EHMT1: variants seen among roughly 807,000 people sequenced by gnomAD.
EHMT1 encodes euchromatic histone lysine methyltransferase 1.
In EHMT1, 15 loss-of-function variants were observed where a neutral mutation model predicts 147.2. That is an observed-to-expected ratio of 0.10 (90% CI 0.07 to 0.16). The LOEUF (loss-of-function observed/expected upper bound fraction) is 0.16, where lower values mean the gene tolerates loss of function less well. Among genes scored for constraint, EHMT1 ranks in the 10% least tolerant of loss-of-function variants. EHMT1 has a pLI of 1.00. For synonymous variants in EHMT1, 795 were observed against 709.6 expected (o/e 1.12, Z -1.91); for missense variants, 1,587 against 1,772.4 (o/e 0.90, Z 1.88).
intron 1 of EHMT1, among the ~76,000 whole-genome samples, chr9:137,679,729 TA>T (rs1941757903): frequency 6.6e-6 from 1 of 152,240 alleles, no homozygotes; most frequent in African/African-American, 2.4e-5. Flanking sequence ...ATACATTGGA[TA>T]TTTTTTTCTG....
chr9:137,774,666 C>T (rs112946577), intron 10 of EHMT1, among the ~76,000 whole-genome samples: 2 of 141,024 alleles, frequency 1.4e-5, no homozygotes, highest in African/African-American at 2.8e-5. Context: ...GATGTGGTCG[C>T]GCCTGGCCCC....
At chr9:137,677,950 T>TC (rs1941538317) in intron 1 of EHMT1, among the ~76,000 whole-genome samples, 1 of 149,800 alleles carries the variant, frequency 6.7e-6, no homozygotes, top group Non-Finnish European at 1.5e-5. Flanking sequence ...GCGCCTGTAG[T>TC]CCCAGCTACT....
chr9:137,671,715 A>T (rs1940677395), intron 1 of EHMT1, among the ~76,000 whole-genome samples: 2 of 151,818 alleles, frequency 1.3e-5, no homozygotes, highest in South Asian at 4.2e-4. Flanking sequence ...TTTTGTAGAG[A>T]TGGGGTTTTG....
intron 1 of EHMT1, among the ~76,000 whole-genome samples, chr9:137,666,834 C>T (rs1189283382): frequency 2.0e-5 from 3 of 152,278 alleles, no homozygotes; most frequent in South Asian, 2.1e-4. Flanking sequence ...GAAAATAAGA[C>T]GTTGCTCAAG....
At chr9:137,737,822 A>C (rs9410130) in intron 4 of EHMT1, among the ~76,000 whole-genome samples, 21,038 of 152,122 alleles carry the variant, frequency 0.14, 3,387 homozygotes, top group African/African-American at 0.39. Context: ...TGCAAATCCT[A>C]TGTCTGATGA....
At chr9:137,768,760 C>T (rs1311865607) in intron 10 of EHMT1, among the ~76,000 whole-genome samples, 17 of 151,180 alleles carry the variant, frequency 1.1e-4, no homozygotes, top group African/African-American at 2.7e-4. Context: ...CGTTTTTAGC[C>T]GGGATGGTCT....
intron 18 of EHMT1, chr9:137,803,489 A>G (rs572165910): frequency 1.1e-3 from 211 of 187,210 alleles, no homozygotes; most frequent in African/African-American, 4.8e-3. Flanking sequence ...TTAAGCCGAG[A>G]TCCCCATTTT....
In EHMT1 at chr9:137,762,656, T is replaced by C. The variant is rs199636157; in HGVS notation, c.1502-19T>C. ...GAGGTCAGGATTGCATGAGCTGACA[T>C]GTGTCTGTGTGACGTTAGGGTTGGC... On this transcript the variant is annotated intron_variant, in intron 9 of 26. Coordinates refer to ENST00000460843, the MANE Select transcript of EHMT1 (RefSeq NM_024757.5). 2.5e-6 allele frequency: 4 copies of C among 1,614,170 alleles called. No homozygotes were observed. The highest frequency in any genetic ancestry group is 3.4e-6 in the Non-Finnish European group (4 of 1,180,020).
intron 2 of EHMT1, chr9:137,715,694 T>A (rs1443023905): frequency 4.8e-5 from 47 of 985,308 alleles, no homozygotes; most frequent in Non-Finnish European, 5.5e-5. Context: ...TGGATATGAT[T>A]TCCTGGGGTT....
intron 18 of EHMT1, among the ~76,000 whole-genome samples, chr9:137,808,229 G>A (rs1954114415): frequency 1.3e-5 from 2 of 151,318 alleles, no homozygotes; most frequent in Non-Finnish European, 2.9e-5. Context: ...GTGTCCTGCC[G>A]GATGACCCAC....
chr9:137,744,403 T>C (rs1397339829), intron 6 of EHMT1, among the ~76,000 whole-genome samples: 4 of 152,050 alleles, frequency 2.6e-5, no homozygotes, highest in African/African-American at 9.7e-5. Flanking sequence ...CTCACTGCAC[T>C]CAACCTCCTG....
intron 1 of EHMT1, among the ~76,000 whole-genome samples, chr9:137,686,400 T>C (rs989139181): frequency 6.6e-6 from 1 of 152,186 alleles, no homozygotes; most frequent in African/African-American, 2.4e-5. Context: ...TTAATTTTTT[T>C]ATTTTTTGAG....
intron 6 of EHMT1, among the ~76,000 whole-genome samples, chr9:137,744,384 C>T (rs925556550): frequency 3.9e-5 from 6 of 151,982 alleles, no homozygotes; most frequent in South Asian, 2.1e-4. Context: ...TGCAGTGGCA[C>T]GATCATAGCT....
At chr9:137,817,752 C>T (rs2132799948) in intron 24 of EHMT1, 2 of 644,706 alleles carry the variant, frequency 3.1e-6, no homozygotes, top group East Asian at 5.5e-5. Context: ...AAGGCGTGGT[C>T]CAGTTAGGAA....
At chr9:137,831,004 G>C (rs954718114) in intron 25 of EHMT1, among the ~76,000 whole-genome samples, 2 of 152,126 alleles carry the variant, frequency 1.3e-5, no homozygotes, top group African/African-American at 4.8e-5. Context: ...TAGTAGATCT[G>C]GTGTCTGGGG....
At chr9:137,679,912 T>C (rs1469837985) in intron 1 of EHMT1, among the ~76,000 whole-genome samples, 2 of 152,240 alleles carry the variant, frequency 1.3e-5, no homozygotes, top group Admixed American at 6.5e-5. Context: ...TGTGATTTAT[T>C]GTTTTATGAT....
At chr9:137,638,335 C>T (rs979427882) in intron 1 of EHMT1, 1 of 152,112 alleles carries the variant, frequency 6.6e-6, no homozygotes, top group African/African-American at 2.4e-5. Flanking sequence ...GTCTCGCGCT[C>T]CTGACCTCAG....
intron 1 of EHMT1, among the ~76,000 whole-genome samples, chr9:137,659,701 T>C (rs918518569): frequency 6.6e-6 from 1 of 151,836 alleles, no homozygotes; most frequent in Non-Finnish European, 1.5e-5. Flanking sequence ...CACCTACTAC[T>C]GATGGTCCAC....
chr9:137,809,839 C>A lies in EHMT1; in HGVS notation c.2713-1622C>A, dbSNP rs376825983. Among the ~76,000 whole-genome samples, 37 of 152,176 alleles carry A rather than the reference C, an allele frequency of 2.4e-4. 1 individual carries two copies. The highest frequency in any genetic ancestry group is 2.3e-3 in the East Asian group (12 of 5,162). Reference sequence around the variant, plus strand: ...AGCTGAGTGACTGTGGGGGAAGGGTCCGGAGGCGGTTCCGATGCCGCCCTG... The same window carrying A: ...AGCTGAGTGACTGTGGGGGAAGGGTACGGAGGCGGTTCCGATGCCGCCCTG... On this transcript the variant is annotated intron_variant, in intron 18 of 26. Coordinates refer to ENST00000460843, the MANE Select transcript of EHMT1 (RefSeq NM_024757.5).
Sources: allele counts gnomAD v4.1 joint callset (sites outside exome capture counted in the v4.1 genomes callset), GRCh38; gene constraint gnomAD v4.1.1; transcripts MANE v1.5; gene names NCBI Gene and HGNC (gene_info 2026-07-23, HGNC 2026-07-21).